The following ZNF445 variants were observed in gnomAD, a reference collection of about 807,000 sequenced individuals.
The protein encoded by ZNF445 is zinc finger protein 168.
Under a neutral mutation model 93.9 loss-of-function variants are expected in ZNF445, and 19 were observed. That is an observed-to-expected ratio of 0.20 (90% CI 0.14 to 0.30). The LOEUF is 0.30. Among genes scored for constraint, ZNF445 ranks in the 10% least tolerant of loss-of-function variants. The pLI, the probability that ZNF445 is intolerant of heterozygous loss-of-function variation, is 1.00. For synonymous variants in ZNF445, 449 were observed against 446.3 expected, an observed-to-expected ratio of 1.01 and a Z score of -0.08; for missense variants, 1,058 against 1,259.4, an observed-to-expected ratio of 0.84 and a Z score of 2.42.
Position 44,443,327 on chromosome 3 carries a change from T to C in ZNF445, c.*3248A>G, listed in dbSNP as rs1261288598. The C allele has an allele frequency of 1.3e-5, 2 of 152,212 alleles. No homozygotes were observed. The highest frequency in any genetic ancestry group is 1.9e-4 in the East Asian group (1 of 5,202). 9.4% of individuals were successfully genotyped at this position (152,212 alleles called of 1,614,324 possible). ...GAATTCATTAATATTTATATAATTA[T>C]AGTACTTATAGAACTAAAATTATTT... On this transcript the variant is annotated 3_prime_UTR_variant, in exon 8 of 8. Coordinates refer to ENST00000396077, the MANE Select transcript of ZNF445 (RefSeq NM_181489.6).
chr3:44,463,011 T>TTGTGTGTGTG (rs61329186), intron 1 of ZNF445, among the ~76,000 whole-genome samples: 6 of 144,456 alleles, frequency 4.2e-5, no homozygotes, highest in African/African-American at 1.6e-4. Flanking sequence ...ATTTTTTTCT[T>TTGTGTGTGTG]TGTGTGTGTG....
Position 44,445,375 on chromosome 3 carries a change from G to A in ZNF445, c.*1200C>T, listed in dbSNP as rs995793122. The A allele has an allele frequency of 2.6e-5, 4 of 152,120 alleles. No individual in the cohort carries two copies. Among genetic ancestry groups the A allele is most frequent in the African/African-American group, 9.7e-5 (4 of 41,404 alleles). The allele number at this position is 152,120 out of a possible 1,614,324, so 9.4% of individuals were successfully genotyped here. ...GTTAACCCTTATAAAATATAATTCA[G>A]ATTCAAACCACATCACTCCTCAACT... On this transcript the variant is annotated 3_prime_UTR_variant, in exon 8 of 8. Transcript: ENST00000396077.
intron 3 of ZNF445, among the ~76,000 whole-genome samples, chr3:44,454,587 T>C (rs779859460): frequency 1.3e-5 from 2 of 152,090 alleles, no homozygotes; most frequent in Non-Finnish European, 2.9e-5. Flanking sequence ...AGTCACATGC[T>C]ACCACATTCA....
chr3:44,455,041 G>A, intron 3 of ZNF445, 80 bp downstream of exon 3: 1 of 1,566,850 alleles, frequency 6.4e-7, no homozygotes, highest in Non-Finnish European at 8.7e-7. Flanking sequence ...TGACAGTTTA[G>A]AGGGCCACCC....
chr3:44,448,127 C>T lies in ZNF445; in HGVS notation c.1544G>A (p.Cys515Tyr). The change falls in exon 8 of 8, where the codon TGT (cysteine) becomes TAT (tyrosine). Residue 515 changes from cysteine (C) to tyrosine (Y), a missense_variant. Cys to Tyr is a radical substitution (Grantham distance 194). Coordinates refer to ENST00000396077, the MANE Select transcript of ZNF445 (RefSeq NM_181489.6). The stretch of plus-strand genomic sequence containing the variant: ...CCGGAAGGCTTTCCCACACACCCTA[C>T]ATTTAAATGCTTTCTCTTGAGTGTG... ...RLHTQEKAFKCRVCGKAFRWS... is the reference protein window; with the variant it reads ...RLHTQEKAFKYRVCGKAFRWS... The T allele has an allele frequency of 1.2e-6, 2 of 1,614,136 alleles. No homozygotes were observed. Among genetic ancestry groups the T allele is most frequent in the Non-Finnish European group, 1.7e-6 (2 of 1,180,038 alleles).
In ZNF445 at chr3:44,445,334, A is replaced by C. The variant is rs1697865814; in HGVS notation, c.*1241T>G. On this transcript the variant is annotated 3_prime_UTR_variant, in exon 8 of 8. Transcript: ENST00000396077. ...TGAGAAGCCTTTCACCCTTTTACTG[A>C]GTCCTTGGATCTGTGGTTAACCCTT... 6.6e-6 allele frequency: 1 copy of C among 152,242 alleles called. No individual in the cohort carries two copies. The highest frequency in any genetic ancestry group is 1.5e-5 in the Non-Finnish European group (1 of 68,050). 9.4% of individuals were successfully genotyped at this position (152,242 alleles called of 1,614,324 possible).
chr3:44,461,048 CT>C (rs778058124), intron 1 of ZNF445, among the ~76,000 whole-genome samples: 3 of 151,984 alleles, frequency 2.0e-5, no homozygotes, highest in Non-Finnish European at 4.4e-5. Flanking sequence ...AGAAATAGTC[CT>C]GGGGGGACAT....
Position 44,432,067 on chromosome 3 carries a change from T to C in ZNF445, c.*14508A>G, listed in dbSNP as rs1457058824. ...TGAGCCACTGCACGTGGCTACATGTTTTGTATTTTTAGTAGAGACGGGGTT... is the reference window on the plus strand; with the variant it reads ...TGAGCCACTGCACGTGGCTACATGTCTTGTATTTTTAGTAGAGACGGGGTT... On this transcript the variant is annotated 3_prime_UTR_variant, in exon 8 of 8. Coordinates refer to ENST00000396077, the MANE Select transcript of ZNF445 (RefSeq NM_181489.6). 6.6e-6 allele frequency: 1 copy of C among 152,116 alleles called. No homozygotes were observed. The highest frequency in any genetic ancestry group is 1.9e-4 in the East Asian group (1 of 5,178). The allele number at this position is 152,116 out of a possible 1,614,324, so 9.4% of individuals were successfully genotyped here.
intron 1 of ZNF445, among the ~76,000 whole-genome samples, chr3:44,473,490 C>CACACACACAAAAA (rs774842477): frequency 1.8e-5 from 1 of 56,930 alleles, no homozygotes; most frequent in African/African-American, 4.4e-5. Context: ...CACACACACA[C>CACACACACAAAAA]AAAAAATGCT....
intron 3 of ZNF445, chr3:44,454,882 A>G (rs2125680676): frequency 1.8e-6 from 1 of 561,818 alleles, no homozygotes; most frequent in African/African-American, 1.9e-5. Context: ...GCTGTTATTT[A>G]TGGAGACTTG....
intron 6 of ZNF445, 35 bp from the exon 7 acceptor site, chr3:44,449,658 A>G: frequency 6.5e-7 from 1 of 1,544,498 alleles, no homozygotes; most frequent in South Asian, 1.1e-5. Flanking sequence ...GAGAAGGGAG[A>G]TGGATGACAC....
At chr3:44,450,383 C>A in intron 6 of ZNF445, 64 bp downstream of exon 6, 1 of 1,609,512 alleles carries the variant, frequency 6.2e-7, no homozygotes, top group Non-Finnish European at 8.5e-7. Flanking sequence ...TTCTATGCAG[C>A]ACAGAACAAC....
rs750510590 is a variant in ZNF445, at chr3:44,439,949, C to T, written c.*6626G>A. ...TGCACAGTTTGAACTTCCCCTCTGA[C>T]GCAAAGAGGAAGTGGCTGGGCTTTC... On this transcript the variant is annotated 3_prime_UTR_variant, in exon 8 of 8. Coordinates refer to ENST00000396077, the MANE Select transcript of ZNF445 (RefSeq NM_181489.6). 6.6e-6 allele frequency: 1 copy of T among 152,166 alleles called. No individual in the cohort carries two copies. Among genetic ancestry groups the T allele is most frequent in the Non-Finnish European group, 1.5e-5 (1 of 68,028 alleles). 9.4% of individuals were successfully genotyped at this position (152,166 alleles called of 1,614,324 possible). A position where few individuals can be genotyped will look rare whatever the true frequency, so the allele number is the denominator to read the frequency against.
rs1697842916 is a variant in ZNF445 at position 44,443,839 on chromosome 3, C to T, written c.*2736G>A. On this transcript the variant is annotated 3_prime_UTR_variant, in exon 8 of 8. Coordinates refer to ENST00000396077, the MANE Select transcript of ZNF445 (RefSeq NM_181489.6). ...AGAATGTTTAGAAATAAGCACATTTCATTCTATAAAAATGACAGGTCAGGC... is the reference window on the plus strand; with the variant it reads ...AGAATGTTTAGAAATAAGCACATTTTATTCTATAAAAATGACAGGTCAGGC... 6.6e-6 allele frequency: 1 copy of T among 151,134 alleles called. No homozygotes were observed. The highest frequency in any genetic ancestry group is 6.6e-5 in the Admixed American group (1 of 15,170). The allele number at this position is 151,134 out of a possible 1,614,324, so 9.4% of individuals were successfully genotyped here. A position where few individuals can be genotyped will look rare whatever the true frequency, so the allele number is the denominator to read the frequency against.
chr3:44,471,260 T>C (rs1324729779), intron 1 of ZNF445, among the ~76,000 whole-genome samples: 1 of 152,152 alleles, frequency 6.6e-6, no homozygotes, highest in Non-Finnish European at 1.5e-5. Flanking sequence ...GAAGTAAAAG[T>C]ACCCAGACAT....
chr3:44,477,168 C>T (rs1022611276), intron 1 of ZNF445, among the ~76,000 whole-genome samples: 2 of 152,200 alleles, frequency 1.3e-5, no homozygotes, highest in Admixed American at 1.3e-4. Flanking sequence ...CAAGAGCACG[C>T]TCTCATTTCG....
chr3:44,459,282 T>A (rs1698074975), intron 1 of ZNF445, among the ~76,000 whole-genome samples: 1 of 152,076 alleles, frequency 6.6e-6, no homozygotes, highest in Non-Finnish European at 1.5e-5. Context: ...CTCTGCCAAA[T>A]AAATTGAGCA....
In ZNF445 at chr3:44,432,860, T is replaced by A. The variant is rs1192885323; in HGVS notation, c.*13715A>T. ...CATCGTGCCTGTTCTTTGTTGCCTGTGTTTTTCATTTTAAGTCGGTGGAGT... is the reference window on the plus strand; with the variant it reads ...CATCGTGCCTGTTCTTTGTTGCCTGAGTTTTTCATTTTAAGTCGGTGGAGT... On this transcript the variant is annotated 3_prime_UTR_variant, in exon 8 of 8. Transcript: ENST00000396077. The A allele has an allele frequency of 6.6e-6, 1 of 152,224 alleles. No homozygotes were observed. The highest frequency in any genetic ancestry group is 1.5e-5 in the Non-Finnish European group (1 of 68,052). 9.4% of individuals were successfully genotyped at this position (152,224 alleles called of 1,614,324 possible).
intron 1 of ZNF445, among the ~76,000 whole-genome samples, chr3:44,459,692 T>C (rs1170183797): frequency 3.9e-5 from 6 of 152,206 alleles, no homozygotes; most frequent in Admixed American, 3.3e-4. Context: ...TACAGAATCC[T>C]GACATGGGCT....
Sources: allele counts gnomAD v4.1 joint callset (sites outside exome capture counted in the v4.1 genomes callset), GRCh38; gene constraint gnomAD v4.1.1; transcripts MANE v1.5; gene names NCBI Gene and HGNC (gene_info 2026-07-23, HGNC 2026-07-21).